JAK1: variants seen among roughly 807,000 people sequenced by gnomAD.
The protein encoded by JAK1 is Janus kinase 1.
A neutral mutation model predicts 136.6 loss-of-function variants in JAK1; 16 were observed. That is an observed-to-expected ratio of 0.12 (90% CI 0.08 to 0.18). JAK1 has a LOEUF of 0.18. Among genes scored for constraint, JAK1 ranks in the 10% least tolerant of loss-of-function variants. The pLI is 1.00. For missense variants in JAK1, 859 were observed against 1,450.1 expected, an observed-to-expected ratio of 0.59 and a Z score of 6.62; for synonymous variants, 492 against 519.5, an observed-to-expected ratio of 0.95 and a Z score of 0.72.
chr1:64,884,179 C>G (rs1397960590), intron 2 of JAK1, among the ~76,000 whole-genome samples: 1 of 152,156 alleles, frequency 6.6e-6, no homozygotes, highest in Non-Finnish European at 1.5e-5. Flanking sequence ...TTAGAAAACC[C>G]TGGTGAAAAG....
chr1:65,052,641 A>C (rs1281546942), intron 1 of JAK1, among the ~76,000 whole-genome samples: 1 of 151,976 alleles, frequency 6.6e-6, no homozygotes, highest in Non-Finnish European at 1.5e-5. Flanking sequence ...ATGAAATCCC[A>C]TCTCTACTAA....
intron 1 of JAK1, among the ~76,000 whole-genome samples, chr1:64,959,414 T>C (rs1461317042): frequency 6.6e-6 from 1 of 152,202 alleles, no homozygotes; most frequent in Non-Finnish European, 1.5e-5. Flanking sequence ...TGAGAGTCCC[T>C]TTAAACTCTT....
intron 1 of JAK1, among the ~76,000 whole-genome samples, chr1:64,900,382 T>C (rs1645085989): frequency 6.6e-6 from 1 of 152,168 alleles, no homozygotes; most frequent in South Asian, 2.1e-4. Context: ...AAAGGTGTAA[T>C]CAAAGGTAAC....
intron 1 of JAK1, among the ~76,000 whole-genome samples, chr1:64,962,842 C>A (rs573608626): frequency 5.9e-5 from 9 of 152,042 alleles, no homozygotes; most frequent in Non-Finnish European, 1.3e-4. Context: ...CCAAGGCAGG[C>A]GGATCACTTG....
At chr1:65,051,624 T>C (rs561191219) in intron 1 of JAK1, among the ~76,000 whole-genome samples, 12 of 152,196 alleles carry the variant, frequency 7.9e-5, no homozygotes, top group Non-Finnish European at 1.5e-4. Context: ...AAGATACTCA[T>C]TTTCAAATTG....
chr1:64,896,764 GA>G (rs1367971255), intron 1 of JAK1, among the ~76,000 whole-genome samples: 1 of 152,180 alleles, frequency 6.6e-6, no homozygotes, highest in Non-Finnish European at 1.5e-5. Flanking sequence ...CACGTCTGGA[GA>G]AGGTCTAAGA....
intron 2 of JAK1, among the ~76,000 whole-genome samples, chr1:65,043,725 T>G (rs1047368971): frequency 3.1e-5 from 4 of 128,866 alleles, no homozygotes; most frequent in Admixed American, 2.5e-4. Flanking sequence ...TTTTTTTTTT[T>G]GCTTGTTTGT....
At chr1:64,918,737 G>T in intron 1 of JAK1, 1 of 166,084 alleles carries the variant, frequency 6.0e-6, no homozygotes, top group South Asian at 1.6e-4. Flanking sequence ...CCAGAAGCTA[G>T]CTGCACTATT....
intron 1 of JAK1, among the ~76,000 whole-genome samples, chr1:64,914,657 GGGTTCAAGT>G (rs1645361241): frequency 1.3e-5 from 2 of 152,136 alleles, no homozygotes; most frequent in African/African-American, 4.8e-5. Context: ...TCTGCCTCTG[GGGTTCAAGT>G]GATTCTCCTG....
intron 4 of JAK1, among the ~76,000 whole-genome samples, chr1:64,876,925 C>A (rs974449101): frequency 6.6e-6 from 1 of 152,160 alleles, no homozygotes; most frequent in Non-Finnish European, 1.5e-5. Context: ...ATATTATACA[C>A]AACAAACTCT....
chr1:65,046,137 C>G (rs1367453516), intron 1 of JAK1, among the ~76,000 whole-genome samples: 7 of 152,142 alleles, frequency 4.6e-5, no homozygotes, highest in African/African-American at 1.7e-4. Flanking sequence ...AGCAGAGTGT[C>G]CACAGACATC....
intron 2 of JAK1, among the ~76,000 whole-genome samples, chr1:64,995,655 C>T (rs532857370): frequency 6.6e-6 from 1 of 152,200 alleles, no homozygotes; most frequent in African/African-American, 2.4e-5. Context: ...ATCAGTTGAG[C>T]CTTATACAGA....
chr1:64,864,998 G>A (rs935644649), intron 7 of JAK1, 26 bp from the exon 8 acceptor site: 1 of 1,573,476 alleles, frequency 6.4e-7, no homozygotes, highest in East Asian at 2.2e-5. Flanking sequence ...AAAGGGACAG[G>A]GTTAAGTTGC....
chr1:64,911,572 G>GT (rs1324052647), intron 1 of JAK1, among the ~76,000 whole-genome samples: 5 of 152,170 alleles, frequency 3.3e-5, no homozygotes, highest in African/African-American at 1.2e-4. Context: ...GCAAAGAGAA[G>GT]TATCTGAGCT....
intron 1 of JAK1, among the ~76,000 whole-genome samples, chr1:64,910,198 CG>C (rs1557683516): frequency 6.6e-6 from 1 of 152,076 alleles, no homozygotes; most frequent in East Asian, 1.9e-4. Context: ...AACAGAAATA[CG>C]TATTTTTAAA....
chr1:64,913,713 GAGGGAGGGAGGGAGGGAGGGAGGA>G, intron 1 of JAK1, among the ~76,000 whole-genome samples: 1 of 27,660 alleles, frequency 3.6e-5, no homozygotes, highest in African/African-American at 1.0e-4. Context: ...AGAAGGGAGG[GAGGGAGGGAGGGAGGGAGGGAGGA>G]ATTGAAAGGA....
chr1:64,835,399 A>G lies in JAK1; in HGVS notation c.3366T>C (p.Asp1122=), dbSNP rs1422935662. ...CTGTGACGTGGCCCATAGATACCTC[A>G]TCTGGACAGTTAGGTGGGCACGGCA... The part of the protein sequence containing the change: ...KRLPCPPNCP[D]EVYQLMRKCW... Residue 1122 remains aspartate (D), a synonymous_variant, in exon 24 of 25, where the codon GAT becomes GAC. Transcript: ENST00000342505. The G allele has an allele frequency of 6.4e-7, 1 of 1,567,480 alleles. No individual in the cohort carries two copies. Among genetic ancestry groups the G allele is most frequent in the Non-Finnish European group, 8.7e-7 (1 of 1,150,788 alleles).
chr1:64,981,583 T>G (rs1221254597), intron 2 of JAK1, among the ~76,000 whole-genome samples: 1 of 152,224 alleles, frequency 6.6e-6, no homozygotes, highest in African/African-American at 2.4e-5. Context: ...TAAAATAAAT[T>G]AAAATATCTC....
intron 2 of JAK1, chr1:65,003,794 C>T (rs1193161068): frequency 1.3e-5 from 2 of 152,122 alleles, no homozygotes. Flanking sequence ...CTCCCTCTGT[C>T]TACGCATCTA....
Sources: allele counts gnomAD v4.1 joint callset (sites outside exome capture counted in the v4.1 genomes callset), GRCh38; gene constraint gnomAD v4.1.1; transcripts MANE v1.5; gene names NCBI Gene and HGNC (gene_info 2026-07-23, HGNC 2026-07-21).